Variants in GLDC observed in about 807,000 individuals in gnomAD.
GLDC encodes the protein glycine dehydrogenase (decarboxylating), mitochondrial.
In GLDC, 104 loss-of-function variants were observed where a neutral mutation model predicts 121.3. That is an observed-to-expected ratio of 0.86 (90% CI 0.73 to 1.01). The LOEUF is 1.01. Among genes scored for constraint, GLDC ranks in the 50% least tolerant of loss-of-function variants. The probability of loss-of-function intolerance (pLI) is 0.00; values close to 1 mark genes in which losing one functional copy is unlikely to be tolerated. For synonymous variants in GLDC, 546 were observed against 480.6 expected (o/e 1.14, Z -1.78); for missense variants, 1,429 against 1,306.6 (o/e 1.09, Z -1.44).
At position 6,629,958 on chromosome 9, in the gene GLDC, T is replaced by TGTATACATATATATATATATA; in HGVS notation, c.335-9640_335-9639insTATATATATATATATGTATAC. ...ATATATATATATGTATATATATATATTTTTTTTTTTTAAGAGAGACAAGGT... is the reference window on the plus strand; with the variant it reads ...ATATATATATATGTATATATATATATGTATACATATATATATATATATTTTTTTTTTTAAGAGAGACAAGGT... On this transcript the variant is annotated intron_variant, in intron 2 of 24. Coordinates refer to ENST00000321612, the MANE Select transcript of GLDC (RefSeq NM_000170.3). 1.3e-4 allele frequency among the ~76,000 whole-genome samples: 10 copies of TGTATACATATATATATATATA among 78,660 alleles called. 1 individual carries two copies. The highest frequency in any genetic ancestry group is 7.3e-5 in the Non-Finnish European group (3 of 40,960). The allele number at this position is 78,660 out of a possible 152,430, so 51.6% of individuals were successfully genotyped here.
chr9:6,612,530 C>T (rs1174235138), intron 3 of GLDC, among the ~76,000 whole-genome samples: 4 of 151,922 alleles, frequency 2.6e-5, no homozygotes, highest in East Asian at 1.9e-4. Flanking sequence ...CCCTGGAATT[C>T]GAGACTAGCC....
chr9:6,568,528 G>A (rs1208777748), intron 15 of GLDC, among the ~76,000 whole-genome samples: 1 of 152,174 alleles, frequency 6.6e-6, no homozygotes, highest in Non-Finnish European at 1.5e-5. Flanking sequence ...GTTTATGTGA[G>A]CACAGCTTAA....
intron 21 of GLDC, 47 bp downstream of exon 21, chr9:6,550,756 G>A: frequency 8.2e-7 from 1 of 1,216,680 alleles, no homozygotes; most frequent in Non-Finnish European, 1.2e-6. Context: ...AACTTAGTTT[G>A]GCCAAGAAAA....
chr9:6,604,263 T>C (rs1021732024), intron 7 of GLDC, among the ~76,000 whole-genome samples: 1 of 152,218 alleles, frequency 6.6e-6, no homozygotes, highest in African/African-American at 2.4e-5. Context: ...GGCATAATGC[T>C]TTTGAGAACG....
chr9:6,592,645 A>G (rs1038245267), intron 10 of GLDC, among the ~76,000 whole-genome samples: 1 of 152,240 alleles, frequency 6.6e-6, no homozygotes, highest in Non-Finnish European at 1.5e-5. Flanking sequence ...ATATGAAAAC[A>G]CTAAGTCTAA....
In GLDC at chr9:6,558,463, T is replaced by A. The variant is rs954728204; in HGVS notation, c.2052+96A>T. ...AAGAACTGCAGACTTTTCATTAGAA[T>A]GCAAGAGAAGACATTTACATAATCC... On this transcript the variant is annotated intron_variant, in intron 17 of 24. Coordinates refer to ENST00000321612, the MANE Select transcript of GLDC (RefSeq NM_000170.3). The A allele has an allele frequency of 1.0e-5, 14 of 1,385,112 alleles. No individual in the cohort carries two copies. In the African/African-American group the frequency reaches 1.7e-4, roughly 17 times the overall value. The allele number at this position is 1,385,112 out of a possible 1,614,324, so 85.8% of individuals were successfully genotyped here. A position where few individuals can be genotyped will look rare whatever the true frequency, so the allele number is the denominator to read the frequency against.
chr9:6,595,223 A>G (rs2129862408), intron 8 of GLDC, 104 bp from the exon 9 acceptor site: 1 of 814,214 alleles, frequency 1.2e-6, no homozygotes, highest in East Asian at 2.4e-5. Flanking sequence ...CGACAAAACA[A>G]AATGATCAGA....
rs386833556 is a variant in GLDC, at chr9:6,553,457, G to A, written c.2368C>T (p.Arg790Trp). The A allele has an allele frequency of 3.1e-6, 5 of 1,613,458 alleles. No individual in the cohort carries two copies. Among genetic ancestry groups the A allele is most frequent in the East Asian group, 2.2e-5 (1 of 44,878 alleles). Residue 790 changes from arginine to tryptophan, a missense_variant, in exon 20 of 25, where the codon CGG becomes TGG. Transcript: ENST00000321612. ...LPNHPVISLK[R>W]NEDACPVGTV... ...CCCACAGGACAGGCATCCTCATTCC[G>A]CTTTAGTGAAATGACGGGATGATTG...
intron 2 of GLDC, among the ~76,000 whole-genome samples, chr9:6,630,590 T>TA (rs1166648592): frequency 6.6e-6 from 1 of 152,144 alleles, no homozygotes; most frequent in Non-Finnish European, 1.5e-5. Flanking sequence ...CTTTCTCTGC[T>TA]AGAGGGTAAG....
intron 8 of GLDC, among the ~76,000 whole-genome samples, chr9:6,595,896 A>G (rs988207584): frequency 3.3e-5 from 5 of 152,316 alleles, no homozygotes; most frequent in Admixed American, 2.0e-4. Flanking sequence ...CTGCTAGACT[A>G]CTAGAGGAAG....
At chr9:6,589,127 G>A in intron 12 of GLDC, 68 bp downstream of exon 12, 1 of 950,900 alleles carries the variant, frequency 1.1e-6, no homozygotes, top group South Asian at 1.3e-5. Flanking sequence ...ATCAGCAGCA[G>A]CACTCTGCCT....
rs773088488 is a variant in GLDC at position 6,534,797 on chromosome 9, G to A, written c.2839-9C>T. On this transcript the variant is annotated splice_polypyrimidine_tract_variant and intron_variant, in intron 23 of 24. Coordinates refer to ENST00000321612, the MANE Select transcript of GLDC (RefSeq NM_000170.3). ...AGGGAGTGTGGAGACATCTGAGACA[G>A]AGACACGGACAGAGGAGGGGTCAGA... The A allele has an allele frequency of 6.5e-7, 1 of 1,534,468 alleles. No homozygotes were observed. The highest frequency in any genetic ancestry group is 9.0e-7 in the Non-Finnish European group (1 of 1,107,426).
chr9:6,534,107 TGAGGTA>T (rs1321202569), intron 24 of GLDC: 2 of 141,184 alleles, frequency 1.4e-5, no homozygotes, highest in Non-Finnish European at 1.5e-5. Context: ...AGCGGGAGGC[TGAGGTA>T]GGAGAATGGC....
intron 2 of GLDC, among the ~76,000 whole-genome samples, chr9:6,641,336 A>G (rs1819625227): frequency 6.6e-6 from 1 of 152,216 alleles, no homozygotes; most frequent in Admixed American, 6.5e-5. Context: ...TGCTGCCAGG[A>G]AGCTGCTGCG....
intron 1 of GLDC, 114 bp from the exon 2 acceptor site, chr9:6,644,806 C>A (rs1278922525): frequency 1.3e-6 from 1 of 751,220 alleles, no homozygotes; most frequent in African/African-American, 1.7e-5. Context: ...AATTAGGGTT[C>A]TTTTTAAAAG....
intron 2 of GLDC, among the ~76,000 whole-genome samples, chr9:6,644,168 A>AT (rs1819689995): frequency 6.6e-6 from 1 of 151,932 alleles, no homozygotes; most frequent in South Asian, 2.1e-4. Context: ...AGATACTGCG[A>AT]TCTAAAGAAG....
chr9:6,615,493 G>T (rs751119599), intron 3 of GLDC, among the ~76,000 whole-genome samples: 5 of 151,896 alleles, frequency 3.3e-5, no homozygotes, highest in East Asian at 1.9e-4. Flanking sequence ...GAGGCAGGAG[G>T]ATTACGTGAG....
chr9:6,616,083 G>A (rs866799575), intron 3 of GLDC, among the ~76,000 whole-genome samples: 22 of 152,294 alleles, frequency 1.4e-4, no homozygotes, highest in African/African-American at 5.3e-4. Context: ...ACAGGCACAA[G>A]CCACCATGCC....
intron 2 of GLDC, among the ~76,000 whole-genome samples, chr9:6,627,787 C>T (rs1471379341): frequency 1.3e-5 from 2 of 152,164 alleles, no homozygotes; most frequent in Non-Finnish European, 2.9e-5. Context: ...AGACCTCAGG[C>T]TTCCACACCC....
Sources: gnomAD v4.1 joint callset for allele counts (sites outside exome capture counted in the v4.1 genomes callset) on GRCh38, gnomAD v4.1.1 for gene constraint, MANE v1.5 for transcripts, NCBI Gene and HGNC (gene_info 2026-07-23, HGNC 2026-07-21) for gene names.